NEDD9: variants seen among roughly 807,000 people sequenced by gnomAD.
NEDD9 encodes neural precursor cell expressed, developmentally down-regulated 9.
In NEDD9, 26 loss-of-function variants were observed where a neutral mutation model predicts 76.6. That is an observed-to-expected ratio of 0.34 (90% CI 0.25 to 0.47). The LOEUF is 0.47. Ranked by LOEUF, NEDD9 falls within the 20% of genes least tolerant of loss-of-function variation. NEDD9 has a pLI of 1.00. For synonymous variants in NEDD9, 392 were observed against 414.2 expected, an observed-to-expected ratio of 0.95 and a Z score of 0.65; for missense variants, 937 against 1,058.5, an observed-to-expected ratio of 0.89 and a Z score of 1.59.
rs2113707243 is a variant in NEDD9, at chr6:11,185,650, C to G, written c.2017G>C (p.Glu673Gln). 6.2e-7 allele frequency: 1 copy of G among 1,614,188 alleles called. No homozygotes were observed. ...TCCACGGGCTTTGTAATCTCTTGTTCCAACAGCTGGAACTGGCTCAGCTGC... is the reference window on the plus strand; with the variant it reads ...TCCACGGGCTTTGTAATCTCTTGTTGCAACAGCTGGAACTGGCTCAGCTGC... Reference protein sequence around the residue: ...HHQLSQFQLLEQEITKPVEND... With the variant: ...HHQLSQFQLLQQEITKPVEND... Residue 673 changes from glutamate to glutamine, a missense_variant, in exon 7 of 7, where the codon GAA becomes CAA. Physicochemically the swap from Glu to Gln is conservative, Grantham distance 29. Coordinates refer to ENST00000379446, the MANE Select transcript of NEDD9 (RefSeq NM_006403.4).
At chr6:11,291,267 G>GTTTTTTTTTTTTTTTTTTTTTTT (rs869185428) in intron 3 of NEDD9, among the ~76,000 whole-genome samples, 3 of 95,830 alleles carry the variant, frequency 3.1e-5, no homozygotes, top group Admixed American at 1.2e-4. Context: ...ATAGAATGAG[G>GTTTTTTTTTTTTTTTTTTTTTTT]TTTTTTTTTT....
intron 1 of NEDD9, among the ~76,000 whole-genome samples, chr6:11,228,328 C>T (rs746227165): frequency 2.1e-4 from 32 of 151,970 alleles, no homozygotes; most frequent in Admixed American, 6.6e-4. Flanking sequence ...GTCAAGAGTT[C>T]GAGACCAGCC....
intron 3 of NEDD9, among the ~76,000 whole-genome samples, chr6:11,242,267 C>T (rs769225744): frequency 3.3e-5 from 5 of 152,148 alleles, no homozygotes; most frequent in Non-Finnish European, 7.3e-5. Flanking sequence ...CACTGGTACC[C>T]CTGAGCTTTA....
At chr6:11,197,245 CTGTT>C (rs1415952270) in intron 2 of NEDD9, among the ~76,000 whole-genome samples, 2 of 143,070 alleles carry the variant, frequency 1.4e-5, no homozygotes, top group Admixed American at 7.0e-5. Flanking sequence ...CTTTCCCCCT[CTGTT>C]TGCTTTTTTT....
intron 1 of NEDD9, among the ~76,000 whole-genome samples, chr6:11,349,709 A>G (rs1254692989): frequency 4.6e-5 from 7 of 152,224 alleles, no homozygotes; most frequent in Non-Finnish European, 1.0e-4. Flanking sequence ...TATAAGTGGG[A>G]GCTAAATAAT....
intron 1 of NEDD9, among the ~76,000 whole-genome samples, chr6:11,338,534 C>A (rs191817002): frequency 6.6e-6 from 1 of 152,192 alleles, no homozygotes; most frequent in Non-Finnish European, 1.5e-5. Flanking sequence ...TATCCTAAAT[C>A]TCCCTTATTG....
At chr6:11,319,399 C>G (rs541367760) in intron 2 of NEDD9, among the ~76,000 whole-genome samples, 2 of 151,524 alleles carry the variant, frequency 1.3e-5, no homozygotes, top group South Asian at 4.2e-4. Flanking sequence ...CTCACACACA[C>G]TCATGCACCC....
intron 3 of NEDD9, among the ~76,000 whole-genome samples, chr6:11,293,479 C>T (rs757009903): frequency 2.0e-5 from 3 of 152,114 alleles, no homozygotes; most frequent in East Asian, 3.8e-4. Flanking sequence ...CCCCTCTCAG[C>T]TTTATCGAAG....
intron 5 of NEDD9, among the ~76,000 whole-genome samples, chr6:11,188,837 A>G (rs755118444): frequency 1.3e-5 from 2 of 152,136 alleles, no homozygotes; most frequent in Non-Finnish European, 2.9e-5. Context: ...GCTTGAGGGA[A>G]TTTGGCATAA....
At chr6:11,233,436 C>A (rs1438701677), upstream of NEDD9, 1 of 518,754 alleles carries the variant, frequency 1.9e-6, no homozygotes, top group Non-Finnish European at 3.8e-6. Context: ...ATGGGGTTGG[C>A]CAGTGCACGC....
At chr6:11,360,281 A>G (rs1762654852) in intron 1 of NEDD9, among the ~76,000 whole-genome samples, 1 of 152,254 alleles carries the variant, frequency 6.6e-6, no homozygotes, top group South Asian at 2.1e-4. Flanking sequence ...AGCATTGTAG[A>G]GCAGAAGAAG....
chr6:11,218,243 C>G (rs141843911), intron 1 of NEDD9, among the ~76,000 whole-genome samples: 129 of 152,296 alleles, frequency 8.5e-4, no homozygotes, highest in Non-Finnish European at 1.6e-3. Context: ...CACAGCTGTG[C>G]AGTAAGAGCC....
chr6:11,295,882 T>C (rs1760876439), intron 3 of NEDD9, among the ~76,000 whole-genome samples: 2 of 152,126 alleles, frequency 1.3e-5, no homozygotes, highest in African/African-American at 4.8e-5. Context: ...TGTAGACACA[T>C]TACACCCACG....
At chr6:11,232,379 G>T in intron 1 of NEDD9, 125 bp downstream of exon 1, 1 of 1,213,034 alleles carries the variant, frequency 8.2e-7, no homozygotes, top group Admixed American at 1.8e-5. Flanking sequence ...CTCAGTGACC[G>T]AGACTCATCT....
At chr6:11,291,170 C>T (rs946612522) in intron 3 of NEDD9, among the ~76,000 whole-genome samples, 1 of 151,128 alleles carries the variant, frequency 6.6e-6, no homozygotes, top group South Asian at 2.1e-4. Context: ...CTTGCTACTG[C>T]GGTTCACTGC....
intron 3 of NEDD9, chr6:11,251,420 T>G (rs890092975): frequency 1.3e-5 from 2 of 152,132 alleles, no homozygotes; most frequent in African/African-American, 4.8e-5. Flanking sequence ...GCAGAGGAAA[T>G]TGACAACCTC....
In NEDD9 at chr6:11,232,462, G is replaced by A. The variant is rs201278883; in HGVS notation, c.12+42C>T. ...ACACAAGCACACACCCGCAGGCACA[G>A]CTTTCAGCTTGCAAGGTAACCTGTA... is the stretch of plus-strand genomic sequence containing the variant. On this transcript the variant is annotated intron_variant, in intron 1 of 6. Coordinates refer to ENST00000379446, the MANE Select transcript of NEDD9 (RefSeq NM_006403.4). The A allele has an allele frequency of 1.6e-4, 260 of 1,613,256 alleles. No individual in the cohort carries two copies. The African/African-American group carries it at 2.1e-3, about 13-fold the overall frequency.
chr6:11,232,320 T>G (rs895531028), intron 1 of NEDD9, among the ~76,000 whole-genome samples, 184 bp downstream of exon 1: 5 of 151,808 alleles, frequency 3.3e-5, no homozygotes, highest in East Asian at 1.9e-4. Context: ...ACCCCTGGAG[T>G]GGGTCTCAAA....
At chr6:11,319,784 T>A (rs1443677120) in intron 2 of NEDD9, among the ~76,000 whole-genome samples, 1 of 148,446 alleles carries the variant, frequency 6.7e-6, no homozygotes, top group East Asian at 2.0e-4. Context: ...TCACGCACAC[T>A]AACATGCACA....
Sources: allele counts gnomAD v4.1 joint callset (sites outside exome capture counted in the v4.1 genomes callset), GRCh38; gene constraint gnomAD v4.1.1; transcripts MANE v1.5; gene names NCBI Gene and HGNC (gene_info 2026-07-23, HGNC 2026-07-21).